N4BP2: variants seen among roughly 807,000 people sequenced by gnomAD.
N4BP2 encodes the protein NEDD4-binding protein 2.
Under a neutral mutation model 152.8 loss-of-function variants are expected in N4BP2, and 91 were observed. The ratio of observed to expected loss-of-function variants is 0.60; its 90% CI spans 0.50 to 0.71. The LOEUF (loss-of-function observed/expected upper bound fraction) is 0.71, where lower values mean the gene tolerates loss of function less well. N4BP2 is among the 30% of genes least tolerant of loss of function. The probability of loss-of-function intolerance (pLI) is 0.00; values close to 1 mark genes in which losing one functional copy is unlikely to be tolerated. For synonymous variants in N4BP2, 646 were observed against 705.3 expected, an observed-to-expected ratio of 0.92 and a Z score of 1.33; for missense variants, 1,923 against 2,059.1, an observed-to-expected ratio of 0.93 and a Z score of 1.28.
At chr4:40,073,620 GTC>G (rs1421528802) in intron 2 of N4BP2, 69 bp downstream of exon 2, 1 of 149,594 alleles carries the variant, frequency 6.7e-6, no homozygotes, top group Non-Finnish European at 1.5e-5. Flanking sequence ...TTTAAATTGA[GTC>G]TTGCTGTATC....
the N4BP2 span, among the ~76,000 whole-genome samples, chr4:40,184,645 A>C: frequency 4.6e-5 from 7 of 152,136 alleles, no homozygotes; most frequent in African/African-American, 1.7e-4. Context: ...CAGACGTGAA[A>C]AATTTTTTTC....
At chr4:40,117,536 A>G (rs1453522541) in intron 7 of N4BP2, among the ~76,000 whole-genome samples, 1 of 152,222 alleles carries the variant, frequency 6.6e-6, no homozygotes, top group East Asian at 1.9e-4. Context: ...GAATTCTCAT[A>G]TATTAAGTTC....
At chr4:40,179,164 C>T in the N4BP2 span, among the ~76,000 whole-genome samples, 8 of 152,022 alleles carry the variant, frequency 5.3e-5, no homozygotes, top group Non-Finnish European at 1.0e-4. Flanking sequence ...GTCAGGAGAT[C>T]GAGACCATCC....
intron 1 of N4BP2, among the ~76,000 whole-genome samples, chr4:40,072,743 T>G (rs80303631): frequency 2.2e-4 from 34 of 151,186 alleles, no homozygotes; most frequent in African/African-American, 8.0e-4. Context: ...TTTTTTTTTT[T>G]GGGACAGAGC....
the N4BP2 span, among the ~76,000 whole-genome samples, chr4:40,182,971 G>A: frequency 3.0e-4 from 46 of 152,098 alleles, no homozygotes; most frequent in East Asian, 7.1e-3. Context: ...GCCACCATGC[G>A]TGGCCCCATT....
intron 5 of N4BP2, 50 bp from the exon 6 acceptor site, chr4:40,112,034 A>G: frequency 1.0e-6 from 1 of 968,328 alleles, no homozygotes; most frequent in South Asian, 1.5e-5. Flanking sequence ...GAAAATCATA[A>G]TACTTAGTAT....
chr4:40,176,622 A>C, the N4BP2 span, among the ~76,000 whole-genome samples: 1 of 152,266 alleles, frequency 6.6e-6, no homozygotes, highest in African/African-American at 2.4e-5. Context: ...ACACGAGAAC[A>C]GTAACCGTAA....
In N4BP2 at chr4:40,120,287, A is replaced by G. The variant is rs746804404; in HGVS notation, c.2176A>G (p.Ser726Gly). ...TAGTTCTATGGAGAGAGTATCACCT[A>G]GTACTTGCTGTAGTGAAAATAATCA... ...TDSSMERVSP[S>G]TCCSENNQED... Residue 726 changes from serine (S) to glycine (G), a missense_variant, in exon 9 of 18, where the codon AGT becomes GGT. Transcript: ENST00000261435. 5.0e-6 allele frequency: 8 copies of G among 1,613,088 alleles called. No homozygotes were observed. In the Admixed American group the frequency reaches 5.0e-5, roughly 10 times the overall value.
intron 2 of N4BP2, among the ~76,000 whole-genome samples, chr4:40,088,951 T>C (rs2109934554): frequency 6.6e-6 from 1 of 152,160 alleles, no homozygotes; most frequent in African/African-American, 2.4e-5. Context: ...TTTTTGTTTT[T>C]TTTGTGTGTG....
chr4:40,148,939 T>C (rs1298011006), intron 16 of N4BP2, among the ~76,000 whole-genome samples: 1 of 151,936 alleles, frequency 6.6e-6, no homozygotes, highest in Non-Finnish European at 1.5e-5. Context: ...AAAAAAAAAA[T>C]TGAAAAATCG....
Position 40,103,090 on chromosome 4 carries a change from T to C in N4BP2, c.1245T>C (p.Asp415=), listed in dbSNP as rs1715864851. 6.2e-7 allele frequency: 1 copy of C among 1,614,106 alleles called. No individual in the cohort carries two copies. Among genetic ancestry groups the C allele is most frequent in the Non-Finnish European group, 8.5e-7 (1 of 1,180,028 alleles). Residue 415 remains aspartate, a synonymous_variant, in exon 4 of 18, where the codon GAT becomes GAC. Transcript: ENST00000261435. ...CAACAAAAGTATGGAGAAATAAAGA[T>C]GGAACAAGTGCTTATCAAGTACAAG... is the stretch of plus-strand genomic sequence containing the variant. ...TSPTKVWRNK[D]GTSAYQVQET... is the part of the protein sequence containing the mutation.
rs1715875245 is a variant in N4BP2, at chr4:40,103,158, T to C, written c.1313T>C (p.Val438Ala). The change falls in exon 4 of 18, where the codon GTT becomes GCT. Residue 438 changes from valine to alanine, a missense_variant. Coordinates refer to ENST00000261435, the MANE Select transcript of N4BP2 (RefSeq NM_018177.6). ...SQVVRKKTSYVGLVLVLLRGL... is the reference protein window; with the variant it reads ...SQVVRKKTSYAGLVLVLLRGL... ...GTTGTAAGAAAGAAGACATCTTACGTTGGACTAGTTCTTGTTCTTCTCAGA... is the reference window on the plus strand; with the variant it reads ...GTTGTAAGAAAGAAGACATCTTACGCTGGACTAGTTCTTGTTCTTCTCAGA... 3 of 1,614,142 alleles carry C rather than the reference T, an allele frequency of 1.9e-6. No individual in the cohort carries two copies. The highest frequency in any genetic ancestry group is 2.5e-6 in the Non-Finnish European group (3 of 1,180,000).
chr4:40,124,331 GT>G (rs1203632518), intron 11 of N4BP2, 126 bp downstream of exon 11: 1 of 501,086 alleles, frequency 2.0e-6, no homozygotes, highest in African/African-American at 2.0e-5. Flanking sequence ...GCAAATAAAA[GT>G]TTTATTTATT....
chr4:40,148,874 G>A (rs1207189081), intron 16 of N4BP2, among the ~76,000 whole-genome samples: 1 of 151,874 alleles, frequency 6.6e-6, no homozygotes, highest in Admixed American at 6.6e-5. Flanking sequence ...TTTATCCATC[G>A]ATGGACAATT....
At chr4:40,173,956 A>T in the N4BP2 span, among the ~76,000 whole-genome samples, 2 of 152,274 alleles carry the variant, frequency 1.3e-5, no homozygotes, top group Admixed American at 6.5e-5. Flanking sequence ...TTCTGGGCTT[A>T]TTTCTAATTA....
intron 2 of N4BP2, among the ~76,000 whole-genome samples, chr4:40,091,603 T>C (rs1218300372): frequency 6.6e-5 from 3 of 45,316 alleles, no homozygotes; most frequent in Non-Finnish European, 1.8e-4. Flanking sequence ...TATACAATCC[T>C]TTTTTTTTTT....
rs554167780 is a variant in N4BP2, at chr4:40,122,185, C to T, written c.4074C>T (p.Thr1358=). 1.8e-5 allele frequency: 29 copies of T among 1,613,436 alleles called. No individual in the cohort carries two copies. Among genetic ancestry groups the T allele is most frequent in the African/African-American group, 1.1e-4 (8 of 74,834 alleles). ...LSAGVSGEDK[T]EILNPTPAMA... Reference sequence around the variant, plus strand: ...CTGGAGTTAGTGGGGAAGATAAAACCGAGATATTGAATCCCACTCCAGCGA... The same window carrying T: ...CTGGAGTTAGTGGGGAAGATAAAACTGAGATATTGAATCCCACTCCAGCGA... Residue 1358 remains threonine, a synonymous_variant, in exon 9 of 18, where the codon ACC becomes ACT. Transcript: ENST00000261435.
intron 1 of N4BP2, among the ~76,000 whole-genome samples, chr4:40,071,082 G>A (rs1031969278): frequency 4.0e-5 from 6 of 151,832 alleles, no homozygotes; most frequent in African/African-American, 9.7e-5. Flanking sequence ...AGAACTACCC[G>A]TTGCATTTGG....
chr4:40,095,543 G>A (rs1715031961), intron 2 of N4BP2, among the ~76,000 whole-genome samples: 1 of 152,102 alleles, frequency 6.6e-6, no homozygotes, highest in Admixed American at 6.5e-5. Flanking sequence ...ACATATGGCT[G>A]GTGGCTGCCA....
Sources: allele counts gnomAD v4.1 joint callset (sites outside exome capture counted in the v4.1 genomes callset), GRCh38; gene constraint gnomAD v4.1.1; transcripts MANE v1.5; gene names NCBI Gene and HGNC (gene_info 2026-07-23, HGNC 2026-07-21).